PRMT3: variants seen among roughly 807,000 people sequenced by gnomAD.
The protein encoded by PRMT3 is protein arginine N-methyltransferase 3.
Under a neutral mutation model 71.9 loss-of-function variants are expected in PRMT3, and 62 were observed. That is an observed-to-expected ratio of 0.86 (90% CI 0.70 to 1.07). The LOEUF (loss-of-function observed/expected upper bound fraction) is 1.07, where lower values mean the gene tolerates loss of function less well. Among genes scored for constraint, PRMT3 ranks in the 50% least tolerant of loss-of-function variants. PRMT3 has a pLI of 0.00. For synonymous variants in PRMT3, 213 were observed against 220.4 expected (o/e 0.97, Z 0.30); for missense variants, 663 against 643.0 (o/e 1.03, Z -0.34).
At chr11:20,485,601 G>A (rs1454133784) in intron 13 of PRMT3, among the ~76,000 whole-genome samples, 1 of 152,054 alleles carries the variant, frequency 6.6e-6, no homozygotes, top group Admixed American at 6.5e-5. Flanking sequence ...GAGAAGATCT[G>A]CGAACTGGAT....
chr11:20,492,623 C>T (rs1306521228), intron 13 of PRMT3, among the ~76,000 whole-genome samples: 2 of 152,106 alleles, frequency 1.3e-5, no homozygotes, highest in African/African-American at 4.8e-5. Context: ...GTTTTTTACA[C>T]TTTCTAAGCT....
chr11:20,462,033 C>T lies in PRMT3; in HGVS notation c.1126C>T (p.His376Tyr), dbSNP rs758012692. 7 of 1,612,448 alleles carry T rather than the reference C, an allele frequency of 4.3e-6. No homozygotes were observed. In the African/African-American group the frequency reaches 8.0e-5, roughly 18 times the overall value. The stretch of plus-strand genomic sequence containing the variant: ...TGTAGCAGTGAGTGATGTGAATAAA[C>T]ATGCTGATAGAATTGCTTTTTGGGA... Reference protein sequence around the residue: ...SLVAVSDVNKHADRIAFWDDV... With the variant: ...SLVAVSDVNKYADRIAFWDDV... The change falls in exon 12 of 16, where the codon CAT becomes TAT. Residue 376 changes from histidine to tyrosine, a missense_variant. Transcript: ENST00000331079.
chr11:20,486,251 AAC>A (rs1851068437), intron 13 of PRMT3, among the ~76,000 whole-genome samples: 1 of 152,238 alleles, frequency 6.6e-6, no homozygotes, highest in Non-Finnish European at 1.5e-5. Flanking sequence ...ATGGTTACAC[AAC>A]TCTGAGTATA....
At chr11:20,486,255 C>CT (rs1262142220) in intron 13 of PRMT3, among the ~76,000 whole-genome samples, 1 of 152,132 alleles carries the variant, frequency 6.6e-6, no homozygotes, top group Non-Finnish European at 1.5e-5. Flanking sequence ...TTACACAACT[C>CT]TGAGTATACT....
chr11:20,437,443 G>A (rs979376428), intron 10 of PRMT3, among the ~76,000 whole-genome samples: 5 of 152,180 alleles, frequency 3.3e-5, no homozygotes, highest in Non-Finnish European at 7.3e-5. Context: ...TTCCAGTTGG[G>A]AATGGTGTGG....
At chr11:20,407,673 C>G in intron 8 of PRMT3, 2 of 310,920 alleles carry the variant, frequency 6.4e-6, no homozygotes, top group Non-Finnish European at 1.2e-5. Flanking sequence ...GGAGTCAATA[C>G]TAATAAATTA....
intron 10 of PRMT3, among the ~76,000 whole-genome samples, chr11:20,434,350 C>CT (rs1849718931): frequency 6.6e-6 from 1 of 152,160 alleles, no homozygotes; most frequent in Non-Finnish European, 1.5e-5. Flanking sequence ...TTGATGGTTT[C>CT]TTTTGCTGTG....
chr11:20,493,595 G>A (rs781338544), intron 13 of PRMT3, among the ~76,000 whole-genome samples: 8 of 152,284 alleles, frequency 5.3e-5, no homozygotes, highest in Admixed American at 1.3e-4. Context: ...CTCAGTTGGC[G>A]AGTGAGGATC....
intron 9 of PRMT3, among the ~76,000 whole-genome samples, chr11:20,419,403 C>G (rs770698714): frequency 4.6e-5 from 7 of 152,148 alleles, no homozygotes; most frequent in Non-Finnish European, 8.8e-5. Context: ...TGGACTTGAA[C>G]TGTTGATAGG....
In PRMT3 at chr11:20,464,467, A is replaced by C. The variant is rs757818597; in HGVS notation, c.1268A>C (p.Asp423Ala). 1.9e-6 allele frequency: 3 copies of C among 1,608,490 alleles called. No homozygotes were observed. The African/African-American group carries it at 4.0e-5, about 22-fold the overall frequency. The stretch of plus-strand genomic sequence containing the variant: ...CTTCTTTTTAATGGGTAGCATATAG[A>C]TTGCCATACGACGTCTATCTCAGAT... ...ISEPCGIKHI[D>A]CHTTSISDLE... The change falls in exon 13 of 16, where the codon GAT (aspartate) becomes GCT (alanine). Residue 423 changes from aspartate (D) to alanine (A), a missense_variant. Asp to Ala is a moderately radical substitution (Grantham distance 126). Transcript: ENST00000331079.
intron 3 of PRMT3, 40 bp from the exon 4 acceptor site, chr11:20,392,171 A>C (rs1419914597): frequency 1.3e-6 from 2 of 1,550,488 alleles, no homozygotes; most frequent in Non-Finnish European, 1.8e-6. Flanking sequence ...AACAAAACTC[A>C]TTATGTTAAC....
At chr11:20,424,884 G>T (rs1464675754) in intron 9 of PRMT3, among the ~76,000 whole-genome samples, 1 of 152,086 alleles carries the variant, frequency 6.6e-6, no homozygotes, top group East Asian at 1.9e-4. Context: ...ACTTTGGGAG[G>T]TTGAGGTAGG....
At chr11:20,475,580 T>C (rs1850760966) in intron 13 of PRMT3, among the ~76,000 whole-genome samples, 1 of 150,564 alleles carries the variant, frequency 6.6e-6, no homozygotes, top group Non-Finnish European at 1.5e-5. Flanking sequence ...CTTAAAAACC[T>C]CTTAAAGTCC....
At chr11:20,429,868 A>G (rs983991488) in intron 10 of PRMT3, among the ~76,000 whole-genome samples, 6 of 152,326 alleles carry the variant, frequency 3.9e-5, no homozygotes, top group South Asian at 2.1e-4. Flanking sequence ...ATTATTTTCA[A>G]TCATCTTTGT....
Position 20,487,265 on chromosome 11 carries a change from T to C in PRMT3, c.1348-6654T>C, listed in dbSNP as rs918267256. Among the ~76,000 whole-genome samples, 4 of 152,112 alleles carry C rather than the reference T, an allele frequency of 2.6e-5. 1 individual carries two copies. Among genetic ancestry groups the C allele is most frequent in the Admixed American group, 2.6e-4 (4 of 15,270 alleles). On this transcript the variant is annotated intron_variant, in intron 13 of 15. Coordinates refer to ENST00000331079, the MANE Select transcript of PRMT3 (RefSeq NM_005788.4). ...AAACTGGTAAATATTTACATACCAG[T>C]AGTTCTCTTAGGTATATACCCAATG...
chr11:20,456,378 A>G (rs1850267924), intron 11 of PRMT3, among the ~76,000 whole-genome samples: 1 of 152,170 alleles, frequency 6.6e-6, no homozygotes, highest in Non-Finnish European at 1.5e-5. Context: ...ATTTATGTCT[A>G]TGATTTATTT....
chr11:20,476,365 T>G (rs979502338), intron 13 of PRMT3, among the ~76,000 whole-genome samples: 3 of 152,008 alleles, frequency 2.0e-5, no homozygotes, highest in Admixed American at 6.6e-5. Flanking sequence ...AAACAAAACA[T>G]ATTCTCTGCC....
intron 13 of PRMT3, among the ~76,000 whole-genome samples, chr11:20,474,708 G>C (rs559174517): frequency 1.3e-5 from 2 of 152,328 alleles, no homozygotes; most frequent in South Asian, 4.1e-4. Context: ...CGTGCTGTTA[G>C]AATGCTTGTT....
intron 11 of PRMT3, 53 bp downstream of exon 11, chr11:20,452,261 A>G: frequency 7.2e-7 from 1 of 1,394,524 alleles, no homozygotes; most frequent in South Asian, 1.2e-5. Context: ...GCAGAACCAG[A>G]TGAACCTTTG....
Sources: allele counts gnomAD v4.1 joint callset (sites outside exome capture counted in the v4.1 genomes callset), GRCh38; gene constraint gnomAD v4.1.1; transcripts MANE v1.5; gene names NCBI Gene and HGNC (gene_info 2026-07-23, HGNC 2026-07-21).